The following PCDHA12 variants were observed in gnomAD, a reference collection of about 807,000 sequenced individuals.
PCDHA12 encodes the protein protocadherin alpha-12.
PCDHA12 carries 44 observed loss-of-function variants against 60.0 expected under a neutral mutation model. That is an observed-to-expected ratio of 0.73 (90% CI 0.58 to 0.94). PCDHA12 has a LOEUF of 0.94. Among genes scored for constraint, PCDHA12 ranks in the 40% least tolerant of loss-of-function variants. The pLI is 0.00. For synonymous variants in PCDHA12, 569 were observed against 553.0 expected (o/e 1.03, Z -0.40); for missense variants, 1,276 against 1,239.7 (o/e 1.03, Z -0.44).
intron 1 of PCDHA12, among the ~76,000 whole-genome samples, chr5:140,977,308 A>G (rs2096754925): frequency 6.6e-6 from 1 of 152,230 alleles, no homozygotes; most frequent in South Asian, 2.1e-4. Context: ...CAAGCTAACG[A>G]TAGTGCTCCT....
At chr5:140,969,865 C>T (rs982289120) in intron 1 of PCDHA12, among the ~76,000 whole-genome samples, 1 of 152,204 alleles carries the variant, frequency 6.6e-6, no homozygotes. Flanking sequence ...GGTACTTGCA[C>T]TGAACCTATG....
intron 1 of PCDHA12, chr5:140,966,755 C>G: frequency 2.8e-6 from 4 of 1,434,520 alleles, no homozygotes; most frequent in Non-Finnish European, 1.8e-6. Flanking sequence ...GCCTCCGCCG[C>G]GGCCAGTGGC....
At chr5:140,897,566 A>C (rs1461105293) in intron 1 of PCDHA12, among the ~76,000 whole-genome samples, 1 of 151,760 alleles carries the variant, frequency 6.6e-6, no homozygotes, top group Non-Finnish European at 1.5e-5. Flanking sequence ...TATGTGCCAC[A>C]TTTTCTTAAT....
At chr5:140,999,837 A>T (rs2097878885) in intron 3 of PCDHA12, among the ~76,000 whole-genome samples, 1 of 152,206 alleles carries the variant, frequency 6.6e-6, no homozygotes, top group Non-Finnish European at 1.5e-5. Context: ...AAATATGCCA[A>T]GTGTATTTAT....
At chr5:140,967,422 A>C in intron 1 of PCDHA12, 6 of 1,613,338 alleles carry the variant, frequency 3.7e-6, no homozygotes, top group East Asian at 2.2e-5. Flanking sequence ...GACCGGGAGC[A>C]GGCAGCCTTG....
At chr5:140,927,200 AC>A in intron 1 of PCDHA12, 1 of 1,614,014 alleles carries the variant, frequency 6.2e-7, no homozygotes, top group Non-Finnish European at 8.5e-7. Context: ...GTGCTCGAGG[AC>A]CCGCTGGAGC....
chr5:140,976,743 C>A (rs782329745), intron 1 of PCDHA12, among the ~76,000 whole-genome samples: 16 of 152,116 alleles, frequency 1.1e-4, no homozygotes, highest in Non-Finnish European at 1.5e-4. Context: ...ATTTTAAAAA[C>A]CTCCCAGATG....
At chr5:140,963,220 G>A (rs2095749091) in intron 1 of PCDHA12, among the ~76,000 whole-genome samples, 2 of 152,122 alleles carry the variant, frequency 1.3e-5, no homozygotes, top group East Asian at 1.9e-4. Flanking sequence ...CGTGTTTAGA[G>A]TAGACACTGT....
chr5:140,929,180 G>A, intron 1 of PCDHA12: 1 of 1,614,150 alleles, frequency 6.2e-7, no homozygotes, highest in Non-Finnish European at 8.5e-7. Context: ...CTGGGACTTG[G>A]TTCTGATAAT....
chr5:140,967,955 A>C (rs1422637534), intron 1 of PCDHA12: 5 of 1,614,078 alleles, frequency 3.1e-6, no homozygotes, highest in Non-Finnish European at 4.2e-6. Flanking sequence ...CTCAGGCCCC[A>C]ACCGGAAAGT....
At chr5:140,985,138 C>T (rs972329850) in intron 3 of PCDHA12, among the ~76,000 whole-genome samples, 3 of 152,016 alleles carry the variant, frequency 2.0e-5, no homozygotes, top group Non-Finnish European at 2.9e-5. Flanking sequence ...GGGGTTTCAC[C>T]GTGTTAGCCA....
chr5:140,967,460 G>C, intron 1 of PCDHA12: 1 of 1,613,538 alleles, frequency 6.2e-7, no homozygotes, highest in African/African-American at 1.3e-5. Context: ...AGCCGTGGAT[G>C]GGGGCATCCC....
At chr5:140,975,120 C>CT (rs140169299) in intron 1 of PCDHA12, among the ~76,000 whole-genome samples, 5 of 152,258 alleles carry the variant, frequency 3.3e-5, no homozygotes, top group African/African-American at 1.2e-4. Flanking sequence ...TGTTTTCCTA[C>CT]TTACTATTGG....
chr5:140,985,643 A>C (rs564908892), intron 3 of PCDHA12, among the ~76,000 whole-genome samples: 10 of 151,298 alleles, frequency 6.6e-5, no homozygotes, highest in African/African-American at 1.9e-4. Context: ...TCATCCCAAC[A>C]CTTGCAATGG....
intron 1 of PCDHA12, among the ~76,000 whole-genome samples, chr5:140,879,652 TAACA>T (rs2058069934): frequency 6.6e-6 from 1 of 152,226 alleles, no homozygotes; most frequent in African/African-American, 2.4e-5. Context: ...GTGGCTGCTA[TAACA>T]AACGAACACA....
rs2055843364 is a variant in PCDHA12 at position 140,875,820 on chromosome 5, T to C, written c.348T>C (p.Val116=). The change falls in exon 1 of 4, where the codon GTT becomes GTC. Residue 116 remains valine, a synonymous_variant. Transcript: ENST00000398631. ...LEVIVDRPLQ[V]FHVDVEVKDI... is the part of the protein sequence containing the mutation. Reference sequence around the variant, plus strand: ...TGATCGTGGACAGGCCGCTGCAGGTTTTCCATGTGGACGTGGAGGTGAAGG... The same window carrying C: ...TGATCGTGGACAGGCCGCTGCAGGTCTTCCATGTGGACGTGGAGGTGAAGG... 6.2e-7 allele frequency: 1 copy of C among 1,613,978 alleles called. No homozygotes were observed. The highest frequency in any genetic ancestry group is 1.3e-5 in the African/African-American group (1 of 74,888).
intron 1 of PCDHA12, among the ~76,000 whole-genome samples, chr5:140,890,467 AT>A (rs1562850687): frequency 1.3e-5 from 2 of 152,154 alleles, no homozygotes; most frequent in African/African-American, 4.8e-5. Context: ...AAATATTTCA[AT>A]TTTTTGTGCG....
At chr5:140,989,109 A>C (rs2097330096) in intron 3 of PCDHA12, 2 of 152,240 alleles carry the variant, frequency 1.3e-5, no homozygotes, top group African/African-American at 4.8e-5. Context: ...CAACTTTTGA[A>C]TATATCTTAG....
chr5:140,920,029 T>C (rs1584162393), intron 1 of PCDHA12, among the ~76,000 whole-genome samples: 1 of 152,118 alleles, frequency 6.6e-6, no homozygotes, highest in African/African-American at 2.4e-5. Flanking sequence ...GAGACAGAGA[T>C]TGGAGTGATG....
Sources: allele counts gnomAD v4.1 joint callset (sites outside exome capture counted in the v4.1 genomes callset), GRCh38; gene constraint gnomAD v4.1.1; transcripts MANE v1.5; gene names NCBI Gene and HGNC (gene_info 2026-07-23, HGNC 2026-07-21).